LRRC75A: variants seen among roughly 807,000 people sequenced by gnomAD.
The protein encoded by LRRC75A is leucine rich repeat containing 75A, also known as leucine-rich repeat-containing protein 75A.
A neutral mutation model predicts 26.0 loss-of-function variants in LRRC75A; 12 were observed. The observed-to-expected ratio is 0.46, with a 90% CI of 0.30 to 0.75. LRRC75A has a LOEUF of 0.75. Ranked by LOEUF, LRRC75A falls within the 30% of genes least tolerant of loss-of-function variation. The pLI, the probability that LRRC75A is intolerant of heterozygous loss-of-function variation, is 0.08. For synonymous variants in LRRC75A, 223 were observed against 219.3 expected, an observed-to-expected ratio of 1.02 and a Z score of -0.15; for missense variants, 410 against 486.6, an observed-to-expected ratio of 0.84 and a Z score of 1.48.
chr17:16,468,602 C>T (rs1050711278), intron 1 of LRRC75A, among the ~76,000 whole-genome samples: 12 of 152,122 alleles, frequency 7.9e-5, no homozygotes, highest in African/African-American at 2.2e-4. Flanking sequence ...ACACAGTGTC[C>T]GTTTTGCAAG....
intron 2 of LRRC75A, among the ~76,000 whole-genome samples, chr17:16,459,714 A>C (rs989397887): frequency 6.6e-6 from 1 of 152,214 alleles, no homozygotes; most frequent in Non-Finnish European, 1.5e-5. Context: ...GTGGGCTGAC[A>C]TGAACTTCTC....
chr17:16,488,503 C>A (rs1324865577), intron 1 of LRRC75A, among the ~76,000 whole-genome samples: 1 of 152,214 alleles, frequency 6.6e-6, no homozygotes, highest in African/African-American at 2.4e-5. Flanking sequence ...TGAATGGCAG[C>A]ACCAACACCA....
intron 1 of LRRC75A, among the ~76,000 whole-genome samples, chr17:16,482,131 G>C (rs958692466): frequency 6.6e-6 from 1 of 152,164 alleles, no homozygotes; most frequent in African/African-American, 2.4e-5. Flanking sequence ...CTTTCTATTG[G>C]GTAGGGCCTG....
intron 1 of LRRC75A, among the ~76,000 whole-genome samples, chr17:16,482,790 G>A (rs915860857): frequency 2.6e-5 from 4 of 152,238 alleles, no homozygotes; most frequent in Non-Finnish European, 4.4e-5. Context: ...ATCTTGGCCG[G>A]CCCTGCTTTC....
intron 1 of LRRC75A, among the ~76,000 whole-genome samples, chr17:16,475,009 AAAG>A (rs1466193927): frequency 1.5e-4 from 23 of 151,604 alleles, no homozygotes; most frequent in Non-Finnish European, 2.6e-4. Context: ...AAAAAAAAAA[AAAG>A]AGAGAAACAT....
intron 2 of LRRC75A, among the ~76,000 whole-genome samples, chr17:16,456,656 G>A (rs1413649605): frequency 2.0e-5 from 3 of 152,184 alleles, no homozygotes; most frequent in African/African-American, 4.8e-5. Flanking sequence ...GGGAGGCAGG[G>A]TAGAGCAGCG....
At chr17:16,444,774 C>G (rs143279668) in intron 3 of LRRC75A, among the ~76,000 whole-genome samples, 4 of 151,804 alleles carry the variant, frequency 2.6e-5, no homozygotes, top group African/African-American at 9.7e-5. Context: ...CCCTTCCCTG[C>G]ACACCCCCCA....
chr17:16,469,460 C>T (rs903825565), intron 1 of LRRC75A, among the ~76,000 whole-genome samples: 1 of 152,194 alleles, frequency 6.6e-6, no homozygotes, highest in Admixed American at 6.5e-5. Flanking sequence ...GGCTTCCCCC[C>T]TCCCCAGCTT....
At chr17:16,454,555 G>A (rs1275293973) in intron 2 of LRRC75A, among the ~76,000 whole-genome samples, 2 of 151,948 alleles carry the variant, frequency 1.3e-5, no homozygotes, top group Admixed American at 6.6e-5. Context: ...GCCAGGCATG[G>A]TGGTGCATGT....
At chr17:16,485,645 TGTGTGTGTGTGTGTGTGTGTGTGTTC>T (rs1429581709) in intron 1 of LRRC75A, among the ~76,000 whole-genome samples, 1 of 129,376 alleles carries the variant, frequency 7.7e-6, no homozygotes, top group Non-Finnish European at 1.7e-5. Flanking sequence ...TGTGTGTGTG[TGTGTGTGTGTGTGTGTGTGTGTGTTC>T]GTGTGTGTGT....
intron 1 of LRRC75A, among the ~76,000 whole-genome samples, chr17:16,481,768 G>C (rs141538441): frequency 1.3e-5 from 2 of 152,194 alleles, no homozygotes; most frequent in Non-Finnish European, 2.9e-5. Flanking sequence ...CAGACAGTGG[G>C]GCAGGCAGCT....
rs1007891676 is a variant in LRRC75A at position 16,492,098 on chromosome 17, T to C, written c.-108A>G. On this transcript the variant is annotated 5_prime_UTR_variant, in exon 1 of 4. Coordinates refer to ENST00000470794, the MANE Select transcript of LRRC75A (RefSeq NM_001113567.3). ...GCGCTCGCCTCCCGGGCTGCAACTT[T>C]GGGGGAACTGTTGCGCGCGGGCGTC... 1.4e-5 allele frequency: 13 copies of C among 947,216 alleles called. No individual in the cohort carries two copies. Among genetic ancestry groups the C allele is most frequent in the Admixed American group, 5.9e-5 (1 of 17,054 alleles). The allele number at this position is 947,216 out of a possible 1,614,324, so 58.7% of individuals were successfully genotyped here.
chr17:16,462,240 G>A lies in LRRC75A; in HGVS notation c.375+18C>T, dbSNP rs1252197239. 6.2e-6 allele frequency: 10 copies of A among 1,613,666 alleles called. No homozygotes were observed. Among genetic ancestry groups the A allele is most frequent in the East Asian group, 2.2e-5 (1 of 44,884 alleles). On this transcript the variant is annotated intron_variant, in intron 2 of 3. Coordinates refer to ENST00000470794, the MANE Select transcript of LRRC75A (RefSeq NM_001113567.3). The surrounding 1 kb of genome is among the most constrained non-coding windows in gnomAD (Gnocchi z 4.6). ...GCACACCCCGGGACCTGGCTGGCTC[G>A]GACCACAGCCACCCTACCGGCTTGG...
rs2093856453 is a variant in LRRC75A at position 16,491,254 on chromosome 17, A to T, written c.246+491T>A. Reference sequence around the variant, plus strand: ...TCCAGGATGCCTCCCAGGCGAGTGAAGGACCTAGGGACTGGAATCTCATTG... The same window carrying T: ...TCCAGGATGCCTCCCAGGCGAGTGATGGACCTAGGGACTGGAATCTCATTG... On this transcript the variant is annotated intron_variant, in intron 1 of 3. Transcript: ENST00000470794. This position sits in a 1 kb window ranked among gnomAD's most constrained non-coding sequence, Gnocchi z 5.9. Among the ~76,000 whole-genome samples, 1 of 152,224 alleles carries T rather than the reference A, an allele frequency of 6.6e-6. No individual in the cohort carries two copies. Among genetic ancestry groups the T allele is most frequent in the African/African-American group, 2.4e-5 (1 of 41,470 alleles).
chr17:16,467,458 C>T (rs968958465), intron 1 of LRRC75A, among the ~76,000 whole-genome samples: 15 of 152,180 alleles, frequency 9.9e-5, no homozygotes, highest in African/African-American at 3.4e-4. Context: ...CAGTTGGACT[C>T]ACACCTTCAC....
chr17:16,455,422 C>T (rs1169657581), intron 2 of LRRC75A, among the ~76,000 whole-genome samples: 6 of 151,472 alleles, frequency 4.0e-5, no homozygotes, highest in African/African-American at 7.3e-5. Flanking sequence ...CTCTGTCGCC[C>T]GGCTGGAGTG....
intron 1 of LRRC75A, among the ~76,000 whole-genome samples, chr17:16,475,740 T>TA (rs919880356): frequency 4.0e-5 from 6 of 148,900 alleles, no homozygotes; most frequent in Admixed American, 6.7e-5. Context: ...ACCAGCTAAT[T>TA]AAAAAAAAAA....
chr17:16,444,331 G>C (rs1413234928), intron 3 of LRRC75A, among the ~76,000 whole-genome samples, 200 bp from the exon 4 acceptor site: 1 of 152,236 alleles, frequency 6.6e-6, no homozygotes, highest in Middle Eastern at 3.2e-3. Flanking sequence ...TCAGCTGTCA[G>C]GGCCCAGCTG....
intron 1 of LRRC75A, among the ~76,000 whole-genome samples, chr17:16,490,090 A>G (rs2093854363): frequency 6.6e-6 from 1 of 152,128 alleles, no homozygotes; most frequent in Non-Finnish European, 1.5e-5. Flanking sequence ...GTATCTGCCC[A>G]CTTTGGGTCC....
Sources: gnomAD v4.1 joint callset for allele counts (sites outside exome capture counted in the v4.1 genomes callset) on GRCh38, gnomAD v4.1.1 for gene constraint, Gnocchi (gnomAD v3.1) non-coding constraint, MANE v1.5 for transcripts, NCBI Gene and HGNC (gene_info 2026-07-23, HGNC 2026-07-21) for gene names.